The following SPTLC2 variants were observed in gnomAD, a reference collection of about 807,000 sequenced individuals.
The protein encoded by SPTLC2 is serine palmitoyltransferase long chain base subunit 2.
Under a neutral mutation model 62.0 loss-of-function variants are expected in SPTLC2, and 21 were observed. The ratio of observed to expected loss-of-function variants is 0.34; its 90% CI spans 0.24 to 0.49. The LOEUF (loss-of-function observed/expected upper bound fraction) is 0.49. Ranked by LOEUF, SPTLC2 falls within the 20% of genes least tolerant of loss-of-function variation. The probability of loss-of-function intolerance (pLI) is 0.99; values close to 1 mark genes in which losing one functional copy is unlikely to be tolerated. For synonymous variants in SPTLC2, 261 were observed against 261.8 expected, an observed-to-expected ratio of 1.00 and a Z score of 0.03; for missense variants, 511 against 713.0, an observed-to-expected ratio of 0.72 and a Z score of 3.23.
rs2079325270 is a variant in SPTLC2 at position 77,510,172 on chromosome 14, T to C, written c.*2112A>G. 1 of 380,408 alleles carries C rather than the reference T, an allele frequency of 2.6e-6. No homozygotes were observed. The highest frequency in any genetic ancestry group is 1.5e-4 in the South Asian group (1 of 6,874). The allele number at this position is 380,408 out of a possible 1,614,324, so 23.6% of individuals were successfully genotyped here. On this transcript the variant is annotated 3_prime_UTR_variant, in exon 12 of 12. Transcript: ENST00000216484. Reference sequence around the variant, plus strand: ...CCTTCTTACTTTAACCTATACATGCTAAATATAGTCTCTGCATCTCTCCTT... The same window carrying C: ...CCTTCTTACTTTAACCTATACATGCCAAATATAGTCTCTGCATCTCTCCTT...
At chr14:77,553,724 G>A (rs2079567385) in intron 8 of SPTLC2, among the ~76,000 whole-genome samples, 1 of 60,574 alleles carries the variant, frequency 1.7e-5, no homozygotes, top group Non-Finnish European at 3.7e-5. Context: ...AGTAAGGCTT[G>A]GTCTCAAAAA....
intron 5 of SPTLC2, among the ~76,000 whole-genome samples, chr14:77,565,883 G>C (rs1185889578): frequency 6.6e-6 from 1 of 152,150 alleles, no homozygotes; most frequent in African/African-American, 2.4e-5. Context: ...ATGGTATACA[G>C]GAACTCTCTG....
chr14:77,548,626 GCATC>G (rs1009859578), intron 9 of SPTLC2, among the ~76,000 whole-genome samples: 18 of 152,144 alleles, frequency 1.2e-4, no homozygotes, highest in African/African-American at 4.3e-4. Context: ...CCAGGTACAG[GCATC>G]CTGGCAGCAC....
At position 77,607,212 on chromosome 14, in the gene SPTLC2, T is replaced by TAA. The variant is rs2079910165; in HGVS notation, c.132+9235_132+9236insTT. Among the ~76,000 whole-genome samples the TAA allele has an allele frequency of 2.6e-5, 4 of 152,224 alleles. No homozygotes were observed. The South Asian group carries it at 8.3e-4, about 31-fold the overall frequency. The stretch of plus-strand genomic sequence containing the variant: ...CATACAAAGTAATAAGCATTTCTCT[T>TAA]ACAAATGTTTCTCAAGCTGTCTCTT... On this transcript the variant is annotated intron_variant, in intron 1 of 11. Coordinates refer to ENST00000216484, the MANE Select transcript of SPTLC2 (RefSeq NM_004863.4).
chr14:77,594,883 G>A (rs1199355775), intron 2 of SPTLC2, among the ~76,000 whole-genome samples: 1 of 152,166 alleles, frequency 6.6e-6, no homozygotes, highest in Non-Finnish European at 1.5e-5. Context: ...TAAAACTTCA[G>A]CTACCATCGG....
At chr14:77,611,669 T>C (rs1001353422) in intron 1 of SPTLC2, among the ~76,000 whole-genome samples, 1 of 150,872 alleles carries the variant, frequency 6.6e-6, no homozygotes, top group Non-Finnish European at 1.5e-5. Context: ...CTACTACAAA[T>C]GCAAAAATCA....
Position 77,563,200 on chromosome 14 carries a change from A to G in SPTLC2, c.757-711T>C, listed in dbSNP as rs116357068. Among the ~76,000 whole-genome samples, 580 of 152,252 alleles carry G rather than the reference A, an allele frequency of 3.8e-3. 3 individuals carry two copies. The highest frequency in any genetic ancestry group is 0.013 in the African/African-American group (554 of 41,540). On this transcript the variant is annotated intron_variant, in intron 5 of 11. Transcript: ENST00000216484. ...GTCAAAAATAGCCTCATAATATCCA[A>G]TTAGATGAAAAGGGTGCAGAAAGTA...
intron 9 of SPTLC2, among the ~76,000 whole-genome samples, chr14:77,534,546 C>T (rs8018049): frequency 0.17 from 25,041 of 144,446 alleles, 2,364 homozygotes; most frequent in African/African-American, 0.26. Flanking sequence ...ACACAGAAAT[C>T]TGGTATATAA....
rs757545220 is a variant in SPTLC2 at position 77,552,087 on chromosome 14, A to C, written c.1303+9T>G. On this transcript the variant is annotated intron_variant, in intron 9 of 11. Transcript: ENST00000216484. ...ACTTATGCAATGTTTCAAGAAAAGA[A>C]AGACTTACCAAGGCTGGTGCCATCC... 5.0e-6 allele frequency: 8 copies of C among 1,613,788 alleles called. No homozygotes were observed. The highest frequency in any genetic ancestry group is 6.8e-6 in the Non-Finnish European group (8 of 1,179,980).
chr14:77,547,312 T>TA (rs2079533934), intron 9 of SPTLC2, among the ~76,000 whole-genome samples: 1 of 152,160 alleles, frequency 6.6e-6, no homozygotes, highest in South Asian at 2.1e-4. Flanking sequence ...CCAGAAAACT[T>TA]AATTTTTATT....
chr14:77,510,755 T>C lies in SPTLC2; in HGVS notation c.*1529A>G, dbSNP rs2079328384. On this transcript the variant is annotated 3_prime_UTR_variant, in exon 12 of 12. Transcript: ENST00000216484. The stretch of plus-strand genomic sequence containing the variant: ...TCCCAAAGTGCTAGGATTACAGGTG[T>C]GAGCCACCGCACTCGGCCTGTAACA... The C allele has an allele frequency of 6.6e-6, 1 of 152,372 alleles. No homozygotes were observed. The highest frequency in any genetic ancestry group is 2.1e-4 in the South Asian group (1 of 4,832). The allele number at this position is 152,372 out of a possible 1,614,324, so 9.4% of individuals were successfully genotyped here.
chr14:77,600,350 A>C (rs912764761), intron 1 of SPTLC2, among the ~76,000 whole-genome samples: 4 of 152,178 alleles, frequency 2.6e-5, no homozygotes, highest in African/African-American at 9.7e-5. Flanking sequence ...GTCAAAACAG[A>C]GTGACTGATG....
chr14:77,566,615 G>A (rs1247784411), intron 5 of SPTLC2, among the ~76,000 whole-genome samples: 1 of 152,074 alleles, frequency 6.6e-6, no homozygotes, highest in Non-Finnish European at 1.5e-5. Flanking sequence ...ACAGGCGCCT[G>A]CCACTACGCC....
rs2079325900 is a variant in SPTLC2 at position 77,510,312 on chromosome 14, C to G, written c.*1972G>C. 5.4e-6 allele frequency: 1 copy of G among 185,112 alleles called. No individual in the cohort carries two copies. The highest frequency in any genetic ancestry group is 1.1e-5 in the Non-Finnish European group (1 of 90,564). 11.5% of individuals were successfully genotyped at this position (185,112 alleles called of 1,614,324 possible). The stretch of plus-strand genomic sequence containing the variant: ...ACAGTGACTAAACATAACTCATACT[C>G]AAGACATTAAAAACAAAACTTCACA... On this transcript the variant is annotated 3_prime_UTR_variant, in exon 12 of 12. Transcript: ENST00000216484.
chr14:77,598,976 C>A (rs2079863195), intron 1 of SPTLC2, among the ~76,000 whole-genome samples: 1 of 150,848 alleles, frequency 6.6e-6, no homozygotes, highest in Admixed American at 6.6e-5. Context: ...GAAAGTGAAA[C>A]CCAAAACAAG....
At chr14:77,591,730 G>GTATGTATGTATGTATT (rs372095112) in intron 2 of SPTLC2, among the ~76,000 whole-genome samples, 16,700 of 130,874 alleles carry the variant, frequency 0.13, 1,086 homozygotes, top group East Asian at 0.31. Context: ...ATGTATGTAT[G>GTATGTATGTATGTATT]TATTTATTTT....
intron 8 of SPTLC2, 115 bp from the exon 9 acceptor site, chr14:77,552,337 A>G (rs2079560003): frequency 2.4e-6 from 3 of 1,255,128 alleles, no homozygotes; most frequent in Non-Finnish European, 3.4e-6. Flanking sequence ...TGGAATAGGG[A>G]CACTAATCTG....
At chr14:77,575,339 G>A (rs1442614442) in intron 4 of SPTLC2, among the ~76,000 whole-genome samples, 2 of 152,164 alleles carry the variant, frequency 1.3e-5, no homozygotes, top group African/African-American at 2.4e-5. Context: ...TGAGCTGACA[G>A]AGTTGCTATG....
chr14:77,570,563 C>T lies in SPTLC2; in HGVS notation c.632-55G>A, dbSNP rs1033921555. The T allele has an allele frequency of 5.0e-6, 8 of 1,604,550 alleles. No homozygotes were observed. In the South Asian group the frequency reaches 6.6e-5, roughly 13 times the overall value. On this transcript the variant is annotated intron_variant, in intron 4 of 11. Transcript: ENST00000216484. ...CACAAAATCCTGAATTTAAGAATTA[C>T]TCATCACTTTATTAAAAGAAATCAT...
Sources: allele counts gnomAD v4.1 joint callset (sites outside exome capture counted in the v4.1 genomes callset), GRCh38; gene constraint gnomAD v4.1.1; transcripts MANE v1.5; gene names NCBI Gene and HGNC (gene_info 2026-07-23, HGNC 2026-07-21).